The following CYB5RL variants were observed in gnomAD, a reference collection of about 807,000 sequenced individuals.
CYB5RL encodes cytochrome b5 reductase like, also known as NADH-cytochrome b5 reductase-like.
CYB5RL carries 38 observed loss-of-function variants against 37.5 expected under a neutral mutation model. That is an observed-to-expected ratio of 1.01 (90% CI 0.78 to 1.33). The LOEUF is 1.33. Among genes scored for constraint, CYB5RL ranks in the 40% most tolerant of loss-of-function variants. The pLI, the probability that CYB5RL is intolerant of heterozygous loss-of-function variation, is 0.00. For synonymous variants in CYB5RL, 141 were observed against 151.9 expected (o/e 0.93, Z 0.53); for missense variants, 388 against 394.4 (o/e 0.98, Z 0.14).
Position 54,170,748 on chromosome 1 carries a change from T to C in CYB5RL, c.*3871A>G, listed in dbSNP as rs1659873170. The C allele has an allele frequency of 4.1e-6, 1 of 243,506 alleles. No individual in the cohort carries two copies. The highest frequency in any genetic ancestry group is 8.0e-6 in the Non-Finnish European group (1 of 124,506). 15.1% of individuals were successfully genotyped at this position (243,506 alleles called of 1,614,324 possible). A position where few individuals can be genotyped will look rare whatever the true frequency, so the allele number is the denominator to read the frequency against. On this transcript the variant is annotated 3_prime_UTR_variant, in exon 8 of 8. Transcript: ENST00000534324. ...TTATACACATCTCTGGTTGCACTCA[T>C]GTGTCACACACAACCTTTACCACAA...
chr1:54,199,179 C>A (rs191508489), intron 1 of CYB5RL, among the ~76,000 whole-genome samples: 2 of 152,316 alleles, frequency 1.3e-5, no homozygotes, highest in East Asian at 3.9e-4. Flanking sequence ...CCTGAACCTT[C>A]CCCTACTCAT....
chr1:54,190,162 G>C (rs1257365978), intron 4 of CYB5RL, among the ~76,000 whole-genome samples: 1 of 152,162 alleles, frequency 6.6e-6, no homozygotes, highest in Admixed American at 6.5e-5. Context: ...GACTGGGGTG[G>C]GAGTAGAGTG....
At position 54,172,209 on chromosome 1, in the gene CYB5RL, C is replaced by T. The variant is rs1382548727; in HGVS notation, c.*2410G>A. Reference sequence around the variant, plus strand: ...TGAGACAGGGTCTTGCTCTGTCACACAGATTGGAGTGCAGTGGCTCAATCA... The same window carrying T: ...TGAGACAGGGTCTTGCTCTGTCACATAGATTGGAGTGCAGTGGCTCAATCA... On this transcript the variant is annotated 3_prime_UTR_variant, in exon 8 of 8. Coordinates refer to ENST00000534324, the MANE Select transcript of CYB5RL (RefSeq NM_001031672.4). 6.6e-6 allele frequency: 1 copy of T among 152,186 alleles called. No homozygotes were observed. Among genetic ancestry groups the T allele is most frequent in the African/African-American group, 2.4e-5 (1 of 41,428 alleles). The allele number at this position is 152,186 out of a possible 1,614,324, so 9.4% of individuals were successfully genotyped here.
chr1:54,199,372 T>A (rs1644052666), intron 1 of CYB5RL, among the ~76,000 whole-genome samples: 1 of 152,168 alleles, frequency 6.6e-6, no homozygotes, highest in African/African-American at 2.4e-5. Context: ...GGAAAACAGA[T>A]GGTACGGTAG....
rs1459540566 is a variant in CYB5RL at position 54,179,233 on chromosome 1, C to A, written c.660G>T (p.Lys220Asn). ...TTTTCAGGTAGATGCTCTCAAAGGT[C>A]TTGAAGCAACCGACCAGAGTGACAA... ...ETFVTLVGCF[K>N]TFESIYLKTF... The change falls in exon 7 of 8, where the codon AAG (lysine) becomes AAT (asparagine). Residue 220 changes from lysine (K) to asparagine (N), a missense_variant. Lys to Asn is a moderately conservative substitution (Grantham distance 94). Transcript: ENST00000534324. 1 of 1,613,790 alleles carries A rather than the reference C, an allele frequency of 6.2e-7. No homozygotes were observed. The highest frequency in any genetic ancestry group is 1.1e-5 in the South Asian group (1 of 90,952).
At position 54,192,778 on chromosome 1, in the gene CYB5RL, CAG is replaced by C. The variant is rs1357908220; in HGVS notation, c.199-1884_199-1883del. Among the ~76,000 whole-genome samples the C allele has an allele frequency of 2.0e-5, 3 of 149,624 alleles. No individual in the cohort carries two copies. The East Asian group carries it at 5.9e-4, about 30-fold the overall frequency. On this transcript the variant is annotated intron_variant, in intron 3 of 7. Transcript: ENST00000534324. Reference sequence around the variant, plus strand: ...TGTGTTTCTTTTTTTTTTTTTGAGACAGAGTGTTGCTGTGTCGCCCAGGCTGA... The same window carrying C: ...TGTGTTTCTTTTTTTTTTTTTGAGACAGTGTTGCTGTGTCGCCCAGGCTGA...
At chr1:54,175,253 A>C (rs1192946411) in intron 7 of CYB5RL, among the ~76,000 whole-genome samples, 1 of 152,198 alleles carries the variant, frequency 6.6e-6, no homozygotes, top group African/African-American at 2.4e-5. Context: ...GTTTCAATGA[A>C]CATATTCATT....
chr1:54,176,944 G>T (rs1660035381), intron 7 of CYB5RL, among the ~76,000 whole-genome samples: 1 of 152,204 alleles, frequency 6.6e-6, no homozygotes. Flanking sequence ...GGGAGGTGAG[G>T]AAAGGAGAGC....
At chr1:54,194,192 G>A (rs988140212) in intron 3 of CYB5RL, among the ~76,000 whole-genome samples, 26 of 151,118 alleles carry the variant, frequency 1.7e-4, no homozygotes, top group African/African-American at 5.6e-4. Flanking sequence ...CCAACATGGT[G>A]AAACCCCATC....
In CYB5RL at chr1:54,187,755, G is replaced by C. The variant is rs1432880326; in HGVS notation, c.348-16C>G. 3.7e-6 allele frequency: 6 copies of C among 1,608,690 alleles called. No individual in the cohort carries two copies. In the Admixed American group the frequency reaches 6.7e-5, roughly 18 times the overall value. Reference sequence around the variant, plus strand: ...TACTATCCCTCTGAGAAACAGAAGTGTGCAGTCAGTCAGCCAGTCATTCAG... The same window carrying C: ...TACTATCCCTCTGAGAAACAGAAGTCTGCAGTCAGTCAGCCAGTCATTCAG... On this transcript the variant is annotated splice_polypyrimidine_tract_variant and intron_variant, in intron 4 of 7. Transcript: ENST00000534324.
At chr1:54,184,801 A>G (rs1235559666) in intron 5 of CYB5RL, 1 of 152,560 alleles carries the variant, frequency 6.6e-6, no homozygotes, top group African/African-American at 2.4e-5. Flanking sequence ...AAATGTCTGC[A>G]ATTAATTCAA....
In CYB5RL at chr1:54,171,263, A is replaced by C. The variant is rs1041337790; in HGVS notation, c.*3356T>G. ...AAGGGATGAGCTGACGCAAGAGAAC[A>C]TGTTTGGAGCCTGAGAGGTGGGTGT... is the stretch of plus-strand genomic sequence containing the variant. On this transcript the variant is annotated 3_prime_UTR_variant, in exon 8 of 8. Coordinates refer to ENST00000534324, the MANE Select transcript of CYB5RL (RefSeq NM_001031672.4). The C allele has an allele frequency of 2.2e-6, 1 of 456,152 alleles. No homozygotes were observed. The highest frequency in any genetic ancestry group is 4.4e-6 in the Non-Finnish European group (1 of 226,800). The allele number at this position is 456,152 out of a possible 1,614,324, so 28.3% of individuals were successfully genotyped here.
chr1:54,198,019 C>T (rs1478601361), intron 1 of CYB5RL, among the ~76,000 whole-genome samples: 3 of 110,676 alleles, frequency 2.7e-5, no homozygotes, highest in Non-Finnish European at 5.1e-5. Context: ...CAGAGTGAGA[C>T]TCTGTCTCAA....
At chr1:54,189,690 G>A (rs1046407877) in intron 4 of CYB5RL, among the ~76,000 whole-genome samples, 5 of 152,176 alleles carry the variant, frequency 3.3e-5, no homozygotes, top group Non-Finnish European at 5.9e-5. Flanking sequence ...TGAGCATTCT[G>A]GTTCATGGAT....
chr1:54,175,025 G>A (rs1344199475), intron 7 of CYB5RL, among the ~76,000 whole-genome samples: 3 of 152,062 alleles, frequency 2.0e-5, no homozygotes, highest in Non-Finnish European at 4.4e-5. Context: ...CACGACAGCA[G>A]AGGCACAGGG....
At chr1:54,182,058 A>G (rs1660173240) in intron 6 of CYB5RL, among the ~76,000 whole-genome samples, 1 of 152,240 alleles carries the variant, frequency 6.6e-6, no homozygotes, top group African/African-American at 2.4e-5. Flanking sequence ...GGCGGTCAAG[A>G]CAACGTTCAT....
intron 6 of CYB5RL, among the ~76,000 whole-genome samples, chr1:54,181,447 T>C (rs1196329762): frequency 6.6e-6 from 1 of 152,212 alleles, no homozygotes; most frequent in Admixed American, 6.5e-5. Flanking sequence ...CACAGACAGA[T>C]GCTAATATGT....
intron 5 of CYB5RL, chr1:54,184,559 A>G (rs1326676263): frequency 1.1e-5 from 3 of 265,316 alleles, no homozygotes; most frequent in Non-Finnish European, 2.1e-5. Context: ...GGTACCATAA[A>G]TGAGTGAAGA....
rs1659887356 is a variant in CYB5RL, at chr1:54,171,356, A to G, written c.*3263T>C. On this transcript the variant is annotated 3_prime_UTR_variant, in exon 8 of 8. Transcript: ENST00000534324. ...CAGAGAGGCCCTACCCCAAGGCCAC[A>G]GGGAGACAGGGAAGGATTTCAAGCA... The G allele has an allele frequency of 4.4e-6, 2 of 456,334 alleles. No individual in the cohort carries two copies. The highest frequency in any genetic ancestry group is 6.9e-5 in the East Asian group (1 of 14,398). The allele number at this position is 456,334 out of a possible 1,614,324, so 28.3% of individuals were successfully genotyped here.
Sources: gnomAD v4.1 joint callset for allele counts (sites outside exome capture counted in the v4.1 genomes callset) on GRCh38, gnomAD v4.1.1 for gene constraint, MANE v1.5 for transcripts, NCBI Gene and HGNC (gene_info 2026-07-23, HGNC 2026-07-21) for gene names.